RARB: variants seen among roughly 807,000 people sequenced by gnomAD.
RARB encodes the protein HBV-activated protein.
In RARB, 17 loss-of-function variants were observed where a neutral mutation model predicts 51.9. The observed-to-expected ratio is 0.33, with a 90% CI of 0.22 to 0.49. The LOEUF is 0.49. Ranked by LOEUF, RARB falls within the 20% of genes least tolerant of loss-of-function variation. The pLI is 0.99. For synonymous variants in RARB, 215 were observed against 195.4 expected (o/e 1.10, Z -0.84); for missense variants, 369 against 550.8 (o/e 0.67, Z 3.30).
At chr3:25,275,025 A>C (rs1703348131) in intron 5 of RARB, among the ~76,000 whole-genome samples, 1 of 152,132 alleles carries the variant, frequency 6.6e-6, no homozygotes, top group Non-Finnish European at 1.5e-5. Context: ...GAAGCTCAAA[A>C]ATACTGTTTT....
At chr3:25,044,827 G>C (rs531426849) in intron 2 of RARB, among the ~76,000 whole-genome samples, 1 of 152,274 alleles carries the variant, frequency 6.6e-6, no homozygotes, top group East Asian at 1.9e-4. Context: ...ACTGACTATA[G>C]AAGGCCAGTA....
chr3:24,867,136 A>G (rs1401396967), intron 2 of RARB, among the ~76,000 whole-genome samples: 2 of 152,112 alleles, frequency 1.3e-5, no homozygotes, highest in Non-Finnish European at 2.9e-5. Context: ...CTCTGGAATT[A>G]TGGCTGGCAA....
intron 2 of RARB, among the ~76,000 whole-genome samples, chr3:25,055,927 C>A (rs1698432260): frequency 6.6e-6 from 1 of 152,076 alleles, no homozygotes. Flanking sequence ...GACATGTGGG[C>A]AGTGCTCTGA....
intron 5 of RARB, among the ~76,000 whole-genome samples, chr3:25,584,278 T>G (rs1359694454): frequency 6.6e-6 from 1 of 152,082 alleles, no homozygotes; most frequent in Non-Finnish European, 1.5e-5. Context: ...CCAGCCCTCA[T>G]GGAGCCGACC....
intron 1 of RARB, among the ~76,000 whole-genome samples, chr3:25,437,341 A>G (rs1051135887): frequency 2.4e-4 from 37 of 152,174 alleles, no homozygotes; most frequent in Admixed American, 2.6e-4. Context: ...CAATACACTT[A>G]GCCCAAAGAT....
chr3:25,268,632 G>A (rs1432913172), intron 5 of RARB, among the ~76,000 whole-genome samples: 1 of 152,124 alleles, frequency 6.6e-6, no homozygotes, highest in East Asian at 1.9e-4. Context: ...AAACATTCCT[G>A]GGAGGCTCCT....
intron 2 of RARB, among the ~76,000 whole-genome samples, chr3:25,483,222 G>A (rs894772537): frequency 1.3e-5 from 2 of 152,204 alleles, no homozygotes; most frequent in African/African-American, 4.8e-5. Context: ...ATTGTTTTAA[G>A]GGAATTGACT....
intron 5 of RARB, among the ~76,000 whole-genome samples, chr3:25,398,747 C>A (rs1384248084): frequency 6.6e-6 from 1 of 152,014 alleles, no homozygotes; most frequent in Admixed American, 6.6e-5. Context: ...TACCATATTC[C>A]ATTACAAAGA....
chr3:25,156,516 C>CAAAAAAAAAAAAAAAAAAAAAAA (rs35710364), intron 4 of RARB, among the ~76,000 whole-genome samples: 1 of 56,812 alleles, frequency 1.8e-5, no homozygotes, highest in Non-Finnish European at 3.0e-5. Context: ...GCCCCAACTG[C>CAAAAAAAAAAAAAAAAAAAAAAA]AAAAAAAAAA....
At chr3:24,837,875 G>T (rs2125328881) in intron 1 of RARB, among the ~76,000 whole-genome samples, 1 of 152,296 alleles carries the variant, frequency 6.6e-6, no homozygotes, top group Non-Finnish European at 1.5e-5. Flanking sequence ...TTCTATCACT[G>T]CCTTAACACA....
intron 4 of RARB, among the ~76,000 whole-genome samples, chr3:25,162,033 G>A (rs1393191185): frequency 6.6e-6 from 1 of 152,202 alleles, no homozygotes; most frequent in Non-Finnish European, 1.5e-5. Flanking sequence ...TGTGTGGACT[G>A]AGGCCTGAGA....
chr3:25,541,975 C>A (rs566697377), intron 3 of RARB, among the ~76,000 whole-genome samples: 1 of 152,042 alleles, frequency 6.6e-6, no homozygotes, highest in South Asian at 2.1e-4. Flanking sequence ...AAATTGTCAA[C>A]TGAAGAAGGA....
intron 2 of RARB, among the ~76,000 whole-genome samples, chr3:25,015,639 T>C (rs1234627711): frequency 6.6e-6 from 1 of 152,174 alleles, no homozygotes; most frequent in Non-Finnish European, 1.5e-5. Flanking sequence ...AGCCTCCCTC[T>C]TGATGCACTC....
chr3:25,305,777 C>T (rs1163893651), intron 5 of RARB, among the ~76,000 whole-genome samples: 3 of 152,150 alleles, frequency 2.0e-5, no homozygotes, highest in Admixed American at 6.5e-5. Flanking sequence ...GGCAAAATGT[C>T]ACACAGTGGT....
chr3:25,316,912 C>T (rs17016178), intron 5 of RARB, among the ~76,000 whole-genome samples: 82,106 of 151,880 alleles, frequency 0.54, 22,834 homozygotes, highest in East Asian at 0.88. Flanking sequence ...TCTCATTGTA[C>T]GATGAAGAAG....
chr3:25,556,493 A>G (rs1038976962), intron 3 of RARB, among the ~76,000 whole-genome samples: 2 of 152,216 alleles, frequency 1.3e-5, no homozygotes, highest in Non-Finnish European at 2.9e-5. Context: ...CATTCTTGTT[A>G]CCAACACTAA....
chr3:24,896,695 A>G (rs1703486688), intron 2 of RARB, among the ~76,000 whole-genome samples: 1 of 152,230 alleles, frequency 6.6e-6, no homozygotes, highest in African/African-American at 2.4e-5. Context: ...TTTTGATACA[A>G]TAAAAAAACT....
chr3:24,996,839 T>G (rs1697050370), intron 2 of RARB, among the ~76,000 whole-genome samples: 3 of 151,986 alleles, frequency 2.0e-5, no homozygotes. Flanking sequence ...TTTTGGTTTG[T>G]GAAAAAAAAA....
intron 5 of RARB, among the ~76,000 whole-genome samples, chr3:25,297,769 A>T (rs1270669448): frequency 6.6e-6 from 1 of 152,144 alleles, no homozygotes; most frequent in African/African-American, 2.4e-5. Context: ...TGACAAGACA[A>T]ATCATTGGAA....
Sources: allele counts gnomAD v4.1 joint callset (sites outside exome capture counted in the v4.1 genomes callset), GRCh38; gene constraint gnomAD v4.1.1; transcripts MANE v1.5; gene names NCBI Gene and HGNC (gene_info 2026-07-23, HGNC 2026-07-21).